Variants in PRELID2 observed in about 807,000 individuals in gnomAD.
PRELID2 encodes the protein PRELI domain-containing protein 2.
PRELID2 carries 25 observed loss-of-function variants against 28.4 expected under a neutral mutation model. That is an observed-to-expected ratio of 0.88 (90% CI 0.64 to 1.23). The LOEUF (loss-of-function observed/expected upper bound fraction) is 1.23, where lower values mean the gene tolerates loss of function less well. Among genes scored for constraint, PRELID2 ranks in the 50% most tolerant of loss-of-function variants. The probability of loss-of-function intolerance (pLI) is 0.00; values close to 1 mark genes in which losing one functional copy is unlikely to be tolerated. For missense variants in PRELID2, 201 were observed against 214.4 expected, an observed-to-expected ratio of 0.94 and a Z score of 0.39; for synonymous variants, 76 against 71.6, an observed-to-expected ratio of 1.06 and a Z score of -0.31.
At chr5:145,240,908 G>A in the PRELID2 span, among the ~76,000 whole-genome samples, 10 of 151,892 alleles carry the variant, frequency 6.6e-5, no homozygotes, top group East Asian at 9.7e-4. Context: ...TAATGATTTC[G>A]AAGCTGGTTT....
At chr5:145,676,234 A>T (rs188684194) in intron 1 of PRELID2, among the ~76,000 whole-genome samples, 11,466 of 149,580 alleles carry the variant, frequency 0.077, 687 homozygotes, top group Admixed American at 0.19. Context: ...AAAAAAAAAA[A>T]AAAAAAAATA....
chr5:145,376,166 C>T, the PRELID2 span, among the ~76,000 whole-genome samples: 4 of 151,964 alleles, frequency 2.6e-5, no homozygotes, highest in East Asian at 7.7e-4. Flanking sequence ...TATTTTTTGT[C>T]CTTAATTCTC....
the PRELID2 span, among the ~76,000 whole-genome samples, chr5:145,336,878 C>T: frequency 4.8e-4 from 71 of 146,786 alleles, no homozygotes; most frequent in African/African-American, 1.6e-3. Flanking sequence ...AACCAAACAC[C>T]GCATATTCTC....
intron 5 of PRELID2, among the ~76,000 whole-genome samples, chr5:145,774,057 T>C (rs1758262269): frequency 6.6e-6 from 1 of 152,314 alleles, no homozygotes; most frequent in South Asian, 2.1e-4. Flanking sequence ...AAATAGAATT[T>C]TTCAAAGCCA....
At chr5:145,423,443 T>A in the PRELID2 span, among the ~76,000 whole-genome samples, 22 of 152,178 alleles carry the variant, frequency 1.4e-4, no homozygotes, top group African/African-American at 5.3e-4. Context: ...TTCTTTTTAT[T>A]CTTTTTTCTC....
the PRELID2 span, among the ~76,000 whole-genome samples, chr5:145,415,485 G>GTGAT: frequency 1.3e-4 from 17 of 132,926 alleles, no homozygotes; most frequent in African/African-American, 5.0e-4. Flanking sequence ...CTGTGTCCAT[G>GTGAT]TGATCTCATT....
At chr5:145,733,483 A>G (rs931122902) in intron 1 of PRELID2, among the ~76,000 whole-genome samples, 3 of 152,164 alleles carry the variant, frequency 2.0e-5, no homozygotes, top group South Asian at 2.1e-4. Context: ...AACAGCACTC[A>G]TATTACTCTG....
chr5:145,465,798 A>G, the PRELID2 span, among the ~76,000 whole-genome samples: 2 of 152,272 alleles, frequency 1.3e-5, no homozygotes, highest in Middle Eastern at 3.4e-3. Flanking sequence ...TTTAGCATTC[A>G]AAAGCTCCAC....
chr5:145,350,269 A>G, the PRELID2 span, among the ~76,000 whole-genome samples: 1 of 152,246 alleles, frequency 6.6e-6, no homozygotes, highest in African/African-American at 2.4e-5. Context: ...CAGAAAACAT[A>G]AATGAGGCAT....
intron 1 of PRELID2, among the ~76,000 whole-genome samples, chr5:145,741,447 A>G (rs1342988943): frequency 1.7e-4 from 17 of 99,454 alleles, no homozygotes; most frequent in Non-Finnish European, 2.7e-4. Context: ...AAATTTATTT[A>G]TAAATAATTT....
At chr5:145,418,504 T>A in the PRELID2 span, among the ~76,000 whole-genome samples, 1 of 152,116 alleles carries the variant, frequency 6.6e-6, no homozygotes, top group Non-Finnish European at 1.5e-5. Context: ...AGGGCTACAG[T>A]AACCAAAACA....
intron 1 of PRELID2, among the ~76,000 whole-genome samples, chr5:145,534,316 A>G (rs1752681662): frequency 6.6e-6 from 1 of 152,024 alleles, no homozygotes; most frequent in Non-Finnish European, 1.5e-5. Context: ...TTCTTGAGAA[A>G]CACAGGAAAT....
chr5:145,424,090 T>C, the PRELID2 span, among the ~76,000 whole-genome samples: 12 of 151,282 alleles, frequency 7.9e-5, no homozygotes, highest in South Asian at 2.1e-4. Flanking sequence ...GCAGTCTGCC[T>C]GTTCTCAGAT....
At chr5:145,833,703 A>G (rs1046841661) in intron 1 of PRELID2, among the ~76,000 whole-genome samples, 1 of 152,134 alleles carries the variant, frequency 6.6e-6, no homozygotes, top group Non-Finnish European at 1.5e-5. Flanking sequence ...ACCTCCTCTA[A>G]CGGAGGCTAC....
At chr5:145,373,529 TTATATATTA>T in the PRELID2 span, among the ~76,000 whole-genome samples, 29 of 16,972 alleles carry the variant, frequency 1.7e-3, 1 homozygote, top group African/African-American at 6.5e-3. Flanking sequence ...ATATATGATA[TTATATATTA>T]CAACATATAT....
chr5:145,468,580 C>T (rs910570332), downstream of PRELID2, among the ~76,000 whole-genome samples: 3 of 152,052 alleles, frequency 2.0e-5, no homozygotes, highest in African/African-American at 4.8e-5. Context: ...ACAGCACCTG[C>T]TGTTTCCTGA....
chr5:145,229,116 A>G, the PRELID2 span: 1 of 1,408,106 alleles, frequency 7.1e-7, no homozygotes, highest in Non-Finnish European at 1.0e-6. Flanking sequence ...CGCCCACAAA[A>G]AAGTGGAAAC....
Position 145,493,160 on chromosome 5 carries a change from T to C in PRELID2, n.71-19845A>G, listed in dbSNP as rs1192612647. ...GGTATTTTCATATGTGGGTAGTTGT[T>C]CAAATTGATATTTCTATGGTGGGAT... On this transcript the variant is annotated intron_variant and non_coding_transcript_variant, in intron 1 of 2. Transcript: ENST00000510259. 3.0e-5 allele frequency among the ~76,000 whole-genome samples: 3 copies of C among 100,048 alleles called. 1 individual carries two copies. Among genetic ancestry groups the C allele is most frequent in the African/African-American group, 8.9e-5 (3 of 33,536 alleles). The allele number at this position is 100,048 out of a possible 152,430, so 65.6% of individuals were successfully genotyped here. A position where few individuals can be genotyped will look rare whatever the true frequency, so the allele number is the denominator to read the frequency against.
Position 145,758,296 on chromosome 5 carries a change from T to G in PRELID2, c.*2240A>C, listed in dbSNP as rs917905691. 1.3e-5 allele frequency among the ~76,000 whole-genome samples: 2 copies of G among 152,158 alleles called. No homozygotes were observed. The highest frequency in any genetic ancestry group is 2.9e-5 in the Non-Finnish European group (2 of 68,022). Reference sequence around the variant, plus strand: ...AATTCAACCTCTCTGTGCCTTGGTCTATTTCTAATAAAAAAATTCCTGCTA... The same window carrying G: ...AATTCAACCTCTCTGTGCCTTGGTCGATTTCTAATAAAAAAATTCCTGCTA... On this transcript the variant is annotated 3_prime_UTR_variant, in exon 7 of 7. Coordinates refer to ENST00000683046, the MANE Select transcript of PRELID2 (RefSeq NM_205846.3).
Sources: allele counts gnomAD v4.1 joint callset (sites outside exome capture counted in the v4.1 genomes callset), GRCh38; gene constraint gnomAD v4.1.1; transcripts MANE v1.5; gene names NCBI Gene and HGNC (gene_info 2026-07-23, HGNC 2026-07-21).